The following MMP2 variants were observed in gnomAD, a reference collection of about 807,000 sequenced individuals.
MMP2 encodes matrix metallopeptidase 2, also known as 72 kDa type IV collagenase.
In MMP2, 39 loss-of-function variants were observed where a neutral mutation model predicts 74.8. The observed-to-expected ratio is 0.52, with a 90% confidence interval of 0.40 to 0.68. The LOEUF is 0.68. Among genes scored for constraint, MMP2 ranks in the 30% least tolerant of loss-of-function variants. The pLI, the probability that MMP2 is intolerant of heterozygous loss-of-function variation, is 0.00. For synonymous variants in MMP2, 367 were observed against 339.8 expected, an observed-to-expected ratio of 1.08 and a Z score of -0.88; for missense variants, 803 against 878.3, an observed-to-expected ratio of 0.91 and a Z score of 1.08.
chr16:55,487,676 T>A (rs1199742679), intron 5 of MMP2: 2 of 152,414 alleles, frequency 1.3e-5, no homozygotes, highest in Non-Finnish European at 2.9e-5. Flanking sequence ...GGTTGGCAAT[T>A]CCAGAGACAC....
At position 55,485,760 on chromosome 16, in the gene MMP2, G is replaced by A; in HGVS notation, c.815G>A (p.Gly272Asp). ...AACTTTGAGAAGGATGGCAAGTACG[G>A]CTTCTGTCCCCATGAAGGTGAGCAT... ...TYNFEKDGKYGFCPHEALFTM... is the reference protein window; with the variant it reads ...TYNFEKDGKYDFCPHEALFTM... The change falls in exon 5 of 13, where the codon GGC becomes GAC. Residue 272 changes from glycine to aspartate, a missense_variant. Physicochemically the swap from Gly to Asp is moderately conservative, Grantham distance 94. Coordinates refer to ENST00000219070, the MANE Select transcript of MMP2 (RefSeq NM_004530.6). The A allele has an allele frequency of 6.2e-7, 1 of 1,613,838 alleles. No individual in the cohort carries two copies. Among genetic ancestry groups the A allele is most frequent in the Non-Finnish European group, 8.5e-7 (1 of 1,180,022 alleles).
At chr16:55,479,169 A>C, upstream of MMP2, 1 of 202,784 alleles carries the variant, frequency 4.9e-6, no homozygotes. Flanking sequence ...CCAGCCGGCT[A>C]CATCTGGCGG....
chr16:55,486,347 C>CTGTGTGTGTGTG (rs57608135), intron 5 of MMP2, among the ~76,000 whole-genome samples: 1,918 of 137,734 alleles, frequency 0.014, 54 homozygotes, highest in East Asian at 0.043. Context: ...GTGTGTGTGC[C>CTGTGTGTGTGTG]TGTGTGTGTG....
intron 11 of MMP2, among the ~76,000 whole-genome samples, chr16:55,500,237 G>A (rs529208143): frequency 2.0e-5 from 3 of 150,290 alleles, no homozygotes; most frequent in Non-Finnish European, 3.0e-5. Context: ...GCACGCACAC[G>A]CACACACACA....
chr16:55,500,890 A>G (rs1453408413), intron 11 of MMP2, among the ~76,000 whole-genome samples: 2 of 152,168 alleles, frequency 1.3e-5, no homozygotes, highest in Non-Finnish European at 2.9e-5. Context: ...TGCCAAGAAG[A>G]GCTCAGGCCC....
intron 3 of MMP2, among the ~76,000 whole-genome samples, chr16:55,484,422 C>T (rs1377271788): frequency 3.3e-5 from 5 of 152,142 alleles, no homozygotes; most frequent in Non-Finnish European, 7.3e-5. Flanking sequence ...GTCTACTGTG[C>T]TGTCCAATAT....
Position 55,479,358 on chromosome 16 carries a change from G to A in MMP2, c.-122G>A, listed in dbSNP as rs1192404913. On this transcript the variant is annotated 5_prime_UTR_variant, in exon 1 of 13. Transcript: ENST00000219070. ...TGAGCCGGGCAAACCCCAGGCCACCGAGCCAGCGGACCCTCGGAGCGCAGC... is the reference window on the plus strand; with the variant it reads ...TGAGCCGGGCAAACCCCAGGCCACCAAGCCAGCGGACCCTCGGAGCGCAGC... 1 of 1,204,230 alleles carries A rather than the reference G, an allele frequency of 8.3e-7. No individual in the cohort carries two copies. The highest frequency in any genetic ancestry group is 1.6e-5 in the African/African-American group (1 of 62,156). 74.6% of individuals were successfully genotyped at this position (1,204,230 alleles called of 1,614,324 possible).
At chr16:55,502,727 G>C (rs548374540) in intron 11 of MMP2, 52 bp from the exon 12 acceptor site, 5 of 1,516,430 alleles carry the variant, frequency 3.3e-6, no homozygotes, top group East Asian at 4.5e-5. Context: ...GGCCAGGGGG[G>C]AAGTGTCCTT....
intron 12 of MMP2, among the ~76,000 whole-genome samples, chr16:55,503,097 A>C (rs1298187247): frequency 6.6e-6 from 1 of 152,156 alleles, no homozygotes. Flanking sequence ...TAAGACCCAG[A>C]AAGACTTCTC....
rs144990275 is a variant in MMP2, at chr16:55,503,926, G to A, written c.1879+1038G>A. ...CCAGCACTCTGGGAGGCCAAGGCAG[G>A]AGAACTGCTTGAGCGCAGGAGTTTG... On this transcript the variant is annotated intron_variant, in intron 12 of 12. Coordinates refer to ENST00000219070, the MANE Select transcript of MMP2 (RefSeq NM_004530.6). Among the ~76,000 whole-genome samples, 4 of 152,334 alleles carry A rather than the reference G, an allele frequency of 2.6e-5. No individual in the cohort carries two copies. The East Asian group carries it at 7.7e-4, about 29-fold the overall frequency.
intron 11 of MMP2, among the ~76,000 whole-genome samples, chr16:55,500,123 TA>T (rs1358259625): frequency 6.6e-6 from 1 of 151,882 alleles, no homozygotes; most frequent in Non-Finnish European, 1.5e-5. Context: ...CTTAGCAACC[TA>T]AGCTGATTGA....
chr16:55,480,916 G>A (rs551934796), intron 1 of MMP2, among the ~76,000 whole-genome samples: 1 of 152,130 alleles, frequency 6.6e-6, no homozygotes, highest in Admixed American at 6.5e-5. Context: ...TGATGTGGCT[G>A]TTGGGTGGGG....
At chr16:55,492,005 T>C (rs1962421147) in intron 8 of MMP2, 49 bp downstream of exon 8, 3 of 1,541,392 alleles carry the variant, frequency 1.9e-6, no homozygotes, top group Non-Finnish European at 2.7e-6. Context: ...AGGGGGGAGG[T>C]CATGTAGCCT....
In MMP2 at chr16:55,488,654, G is replaced by C; in HGVS notation, c.944G>C (p.Arg315Pro). 1 of 1,613,310 alleles carries C rather than the reference G, an allele frequency of 6.2e-7. No homozygotes were observed. Among genetic ancestry groups the C allele is most frequent in the Non-Finnish European group, 8.5e-7 (1 of 1,179,762 alleles). ...ACTGAGGGCCGCACGGATGGCTACC[G>C]CTGGTGCGGCACCACTGAGGACTAC... ...CTTEGRTDGY[R>P]WCGTTEDYDR... Residue 315 changes from arginine to proline, a missense_variant, in exon 6 of 13, where the codon CGC becomes CCC. This residue lies in a region of MMP2 where 555 missense variants were observed against 592.0 expected (regional missense o/e 0.94). Coordinates refer to ENST00000219070, the MANE Select transcript of MMP2 (RefSeq NM_004530.6).
intron 11 of MMP2, among the ~76,000 whole-genome samples, chr16:55,499,931 G>T (rs1596827050): frequency 6.6e-6 from 1 of 151,914 alleles, no homozygotes; most frequent in African/African-American, 2.4e-5. Flanking sequence ...AATTTTAGAG[G>T]GCACTTCCTG....
In MMP2 at chr16:55,479,300, G is replaced by C; in HGVS notation, c.-180G>C. ...CCTGCGGCGGCGGCGGCGGCGGCGG[G>C]GGCTGGGGCGCGGGGGCCGGACCAT... On this transcript the variant is annotated 5_prime_UTR_variant, in exon 1 of 13. Coordinates refer to ENST00000219070, the MANE Select transcript of MMP2 (RefSeq NM_004530.6). 1 of 602,960 alleles carries C rather than the reference G, an allele frequency of 1.7e-6. No individual in the cohort carries two copies. The highest frequency in any genetic ancestry group is 2.4e-6 in the Non-Finnish European group (1 of 424,448). 37.4% of individuals were successfully genotyped at this position (602,960 alleles called of 1,614,324 possible). A position where few individuals can be genotyped will look rare whatever the true frequency, so the allele number is the denominator to read the frequency against.
At chr16:55,492,200 T>A (rs1407476147) in intron 8 of MMP2, among the ~76,000 whole-genome samples, 1 of 152,180 alleles carries the variant, frequency 6.6e-6, no homozygotes, top group African/African-American at 2.4e-5. Flanking sequence ...GCGCTCCATT[T>A]CTGGGTTTCT....
At chr16:55,500,191 C>T (rs1660593398) in intron 11 of MMP2, among the ~76,000 whole-genome samples, 1 of 152,100 alleles carries the variant, frequency 6.6e-6, no homozygotes, top group Admixed American at 6.6e-5. Context: ...GCAGGCTTTC[C>T]ACCCACCAGC....
chr16:55,491,052 C>T (rs1364697561), intron 7 of MMP2, among the ~76,000 whole-genome samples: 10 of 148,458 alleles, frequency 6.7e-5, no homozygotes, highest in Non-Finnish European at 1.3e-4. Context: ...CCTTCTTCCC[C>T]CTCTGCTTGC....
Sources: gnomAD v4.1 joint callset for allele counts (sites outside exome capture counted in the v4.1 genomes callset) on GRCh38, gnomAD v4.1.1 for gene constraint, gnomAD v4.1.1 regional missense constraint, MANE v1.5 for transcripts, NCBI Gene and HGNC (gene_info 2026-07-23, HGNC 2026-07-21) for gene names.